The following DCAF8L2 variants were observed in gnomAD, a reference collection of about 807,000 sequenced individuals.
DCAF8L2 encodes DDB1- and CUL4-associated factor 8-like protein 2.
For synonymous variants in DCAF8L2, 200 were observed against 190.9 expected (o/e 1.05, Z -0.39); for missense variants, 430 against 490.7 (o/e 0.88, Z 1.17).
the DCAF8L2 span, among the ~76,000 whole-genome samples, chrX:27,525,213 T>C: frequency 3.6e-5 from 4 of 111,531 alleles, no homozygotes; most frequent in African/African-American, 1.3e-4. Flanking sequence ...TCTGGGTGCT[T>C]CTGTATTGGG....
intron 3 of DCAF8L2, among the ~76,000 whole-genome samples, chrX:27,703,534 C>A (rs1427247869): frequency 9.0e-6 from 1 of 111,278 alleles, no homozygotes; most frequent in African/African-American, 3.3e-5. Flanking sequence ...ACTTTATGGT[C>A]AATTTATTTT....
At chrX:27,493,452 C>T in the DCAF8L2 span, among the ~76,000 whole-genome samples, 3 of 110,470 alleles carry the variant, frequency 2.7e-5, no homozygotes, top group East Asian at 8.6e-4. Context: ...GGCTCATGCC[C>T]ATAATCCCAG....
chrX:27,626,965 A>G (rs1174340624), intron 1 of DCAF8L2, among the ~76,000 whole-genome samples: 2 of 110,484 alleles, frequency 1.8e-5, no homozygotes, highest in African/African-American at 6.6e-5. Flanking sequence ...CTTTTGTTAC[A>G]TGAAGTAGCA....
the DCAF8L2 span, among the ~76,000 whole-genome samples, chrX:27,474,374 A>G: frequency 8.9e-6 from 1 of 111,952 alleles, no homozygotes; most frequent in African/African-American, 3.2e-5. Context: ...ATGCGTACAT[A>G]TCCAGATCCA....
At chrX:27,729,257 T>A (rs1377050187) in intron 4 of DCAF8L2, among the ~76,000 whole-genome samples, 2 of 111,518 alleles carry the variant, frequency 1.8e-5, no homozygotes, top group Non-Finnish European at 3.8e-5. Context: ...TGAGGTATAA[T>A]TTGTATTCAA....
At chrX:27,728,960 A>G (rs773540791) in intron 4 of DCAF8L2, among the ~76,000 whole-genome samples, 1 of 112,137 alleles carries the variant, frequency 8.9e-6, no homozygotes, top group South Asian at 3.7e-4. Context: ...ACATTTAGTA[A>G]GGATTCATTA....
At chrX:27,570,928 C>G in the DCAF8L2 span, among the ~76,000 whole-genome samples, 1 of 111,455 alleles carries the variant, frequency 9.0e-6, no homozygotes, top group Non-Finnish European at 1.9e-5. Context: ...TAATAATACA[C>G]TAACTCCAAA....
chrX:27,611,647 A>G (rs1486955374), intron 1 of DCAF8L2, among the ~76,000 whole-genome samples: 1 of 108,728 alleles, frequency 9.2e-6, no homozygotes, highest in African/African-American at 3.4e-5. Context: ...CCTGTGTCCA[A>G]GTGTTCTCAT....
rs181998654 is a variant in DCAF8L2, at chrX:27,601,655, G to A, written c.-342+11215G>A. ...GCAGAGGTTGTAGTGAGCAGAGACC[G>A]TGCCACTGCACTCCAGCCTGGGCGA... On this transcript the variant is annotated intron_variant, in intron 1 of 4. Coordinates refer to ENST00000451261, the MANE Select transcript of DCAF8L2 (RefSeq NM_001353450.2). Among the ~76,000 whole-genome samples, 80 of 108,621 alleles carry A rather than the reference G, an allele frequency of 7.4e-4. 1 individual carries two copies. The highest frequency in any genetic ancestry group is 2.6e-3 in the African/African-American group (77 of 29,726). The allele number at this position is 108,621 out of a possible 115,157, so 94.3% of individuals were successfully genotyped here. A position where few individuals can be genotyped will look rare whatever the true frequency, so the allele number is the denominator to read the frequency against.
chrX:27,564,662 G>A, the DCAF8L2 span, among the ~76,000 whole-genome samples: 1 of 109,552 alleles, frequency 9.1e-6, no homozygotes, highest in Admixed American at 9.8e-5. Flanking sequence ...ATGGGTCAAT[G>A]GGTCCATCTC....
the DCAF8L2 span, among the ~76,000 whole-genome samples, chrX:27,514,203 C>T: frequency 2.1e-5 from 2 of 97,111 alleles, no homozygotes; most frequent in African/African-American, 9.3e-5. Context: ...CACATATGTA[C>T]ATGTATGTGT....
chrX:27,736,862 T>C (rs1011982673), intron 4 of DCAF8L2, among the ~76,000 whole-genome samples: 1 of 111,442 alleles, frequency 9.0e-6, no homozygotes, highest in Non-Finnish European at 1.9e-5. Flanking sequence ...AGTCTCATTC[T>C]CTCACAAATG....
At chrX:27,561,560 T>G in the DCAF8L2 span, among the ~76,000 whole-genome samples, 11 of 111,333 alleles carry the variant, frequency 9.9e-5, no homozygotes, top group South Asian at 4.2e-3. Flanking sequence ...TTGTTCCCCT[T>G]GAAAGAAACC....
At chrX:27,685,742 C>T (rs1029209106) in intron 3 of DCAF8L2, among the ~76,000 whole-genome samples, 5 of 111,461 alleles carry the variant, frequency 4.5e-5, no homozygotes, top group Non-Finnish European at 3.8e-5. Context: ...CAGATTACAG[C>T]AAGCTAAAAA....
At chrX:27,720,518 C>T (rs1931861415) in intron 4 of DCAF8L2, among the ~76,000 whole-genome samples, 1 of 110,540 alleles carries the variant, frequency 9.0e-6, no homozygotes, top group Non-Finnish European at 1.9e-5. Context: ...GGACTACAGG[C>T]GCCCGCCACC....
At chrX:27,519,605 A>T in the DCAF8L2 span, 3 of 652,476 alleles carry the variant, frequency 4.6e-6, no homozygotes, top group Non-Finnish European at 7.8e-6. Context: ...GAAAACGAAC[A>T]TGATGAGAAT....
chrX:27,705,862 A>C (rs778300677), intron 3 of DCAF8L2, among the ~76,000 whole-genome samples: 1 of 111,419 alleles, frequency 9.0e-6, no homozygotes, highest in Non-Finnish European at 1.9e-5. Context: ...AATATTTGCT[A>C]GTTTCTATGT....
At chrX:27,662,452 T>C (rs1929591377) in intron 2 of DCAF8L2, among the ~76,000 whole-genome samples, 1 of 111,877 alleles carries the variant, frequency 8.9e-6, no homozygotes. Context: ...TACACACATA[T>C]TTTCTTTCAA....
the DCAF8L2 span, among the ~76,000 whole-genome samples, chrX:27,483,413 G>A: frequency 9.0e-6 from 1 of 111,658 alleles, no homozygotes; most frequent in South Asian, 3.7e-4. Flanking sequence ...ATTTGTGATG[G>A]GGAAGAAAAG....
Sources: gnomAD v4.1 joint callset for allele counts (sites outside exome capture counted in the v4.1 genomes callset) on GRCh38, gnomAD v4.1.1 for gene constraint, MANE v1.5 for transcripts, NCBI Gene and HGNC (gene_info 2026-07-23, HGNC 2026-07-21) for gene names.